Variants in PIP5K1C observed in about 807,000 individuals in gnomAD.
PIP5K1C encodes phosphatidylinositol-4-phosphate 5-kinase type 1 gamma.
In PIP5K1C, 45 loss-of-function variants were observed where a neutral mutation model predicts 80.1. The ratio of observed to expected loss-of-function variants is 0.56; its 90% CI spans 0.44 to 0.72. The LOEUF (loss-of-function observed/expected upper bound fraction) is 0.72, where lower values mean the gene tolerates loss of function less well. PIP5K1C is among the 30% of genes least tolerant of loss of function. PIP5K1C has a pLI of 0.00. For synonymous variants in PIP5K1C, 498 were observed against 420.1 expected (o/e 1.19, Z -2.27); for missense variants, 753 against 954.6 (o/e 0.79, Z 2.78).
At chr19:3,671,473 C>T (rs2035202521) in intron 1 of PIP5K1C, among the ~76,000 whole-genome samples, 2 of 152,324 alleles carry the variant, frequency 1.3e-5, no homozygotes, top group South Asian at 2.1e-4. Flanking sequence ...AGCTGGCTAA[C>T]GGGGAGAGGA....
intron 16 of PIP5K1C, chr19:3,636,915 G>C (rs2033710748): frequency 9.9e-7 from 1 of 1,006,004 alleles, no homozygotes; most frequent in Non-Finnish European, 1.2e-6. Flanking sequence ...TCACAGCTAC[G>C]TGGGGCCCAT....
At position 3,652,020 on chromosome 19, in the gene PIP5K1C, A is replaced by G. The variant is rs2034470380; in HGVS notation, c.933T>C (p.Ser311=). The G allele has an allele frequency of 4.3e-6, 7 of 1,612,766 alleles. No homozygotes were observed. The highest frequency in any genetic ancestry group is 5.9e-6 in the Non-Finnish European group (7 of 1,179,924). Reference sequence around the variant, plus strand: ...GCAGGCTGTAGTCCATGATCTTGAAACTTTCCAGGACCTGGCGGGATCGGG... The same window carrying G: ...GCAGGCTGTAGTCCATGATCTTGAAGCTTTCCAGGACCTGGCGGGATCGGG... ...TLQRDCLVLE[S]FKIMDYSLLL... The change falls in exon 8 of 18, where the codon AGT becomes AGC. Residue 311 remains serine (S), a synonymous_variant. Coordinates refer to ENST00000335312, the MANE Select transcript of PIP5K1C (RefSeq NM_012398.3).
chr19:3,687,299 T>C (rs1434223840), intron 1 of PIP5K1C, among the ~76,000 whole-genome samples: 1 of 151,898 alleles, frequency 6.6e-6, no homozygotes, highest in Non-Finnish European at 1.5e-5. Context: ...GAGGCGGAGG[T>C]TGCAGTGAGC....
intron 1 of PIP5K1C, among the ~76,000 whole-genome samples, chr19:3,683,003 G>A (rs1204464067): frequency 2.3e-5 from 3 of 132,232 alleles, no homozygotes; most frequent in Non-Finnish European, 3.2e-5. Flanking sequence ...CCCACACCAG[G>A]CTTGGTCCTG....
At chr19:3,686,308 T>A (rs947425055) in intron 1 of PIP5K1C, among the ~76,000 whole-genome samples, 1 of 151,798 alleles carries the variant, frequency 6.6e-6, no homozygotes, top group Non-Finnish European at 1.5e-5. Flanking sequence ...TAGTCCCAGC[T>A]ACTCAGGAGG....
At chr19:3,689,270 G>C (rs2035871475) in intron 1 of PIP5K1C, among the ~76,000 whole-genome samples, 1 of 152,178 alleles carries the variant, frequency 6.6e-6, no homozygotes, top group African/African-American at 2.4e-5. Flanking sequence ...ATCATGCCCA[G>C]AGGCTCACAG....
intron 16 of PIP5K1C, among the ~76,000 whole-genome samples, chr19:3,634,881 T>C (rs925219520): frequency 2.0e-5 from 3 of 152,228 alleles, no homozygotes; most frequent in African/African-American, 7.2e-5. Context: ...CGAGGCCGCA[T>C]CGCGGAGGAC....
At chr19:3,680,512 C>G (rs2035557998) in intron 1 of PIP5K1C, among the ~76,000 whole-genome samples, 1 of 152,206 alleles carries the variant, frequency 6.6e-6, no homozygotes, top group Non-Finnish European at 1.5e-5. Context: ...CCATGTTGGC[C>G]AGGCTGGTCT....
At chr19:3,698,308 C>T (rs748992384) in intron 1 of PIP5K1C, among the ~76,000 whole-genome samples, 3 of 152,252 alleles carry the variant, frequency 2.0e-5, no homozygotes, top group Non-Finnish European at 2.9e-5. Flanking sequence ...ACTTCACAGA[C>T]GGGACGCTGA....
chr19:3,651,002 T>C (rs1297491458), intron 8 of PIP5K1C, among the ~76,000 whole-genome samples: 1 of 150,352 alleles, frequency 6.7e-6, no homozygotes, highest in Non-Finnish European at 1.5e-5. Flanking sequence ...ATGATCCACC[T>C]GCCTCAGCCT....
At chr19:3,634,828 GT>G (rs1353640814) in intron 16 of PIP5K1C, among the ~76,000 whole-genome samples, 1 of 152,234 alleles carries the variant, frequency 6.6e-6, no homozygotes, top group East Asian at 1.9e-4. Flanking sequence ...CAAGACCCCT[GT>G]TCCCGGGCCC....
intron 3 of PIP5K1C, among the ~76,000 whole-genome samples, chr19:3,663,322 GGTCGGGA>G (rs1457592917): frequency 6.6e-6 from 1 of 152,344 alleles, no homozygotes; most frequent in South Asian, 2.1e-4. Flanking sequence ...CAGGGAGGGA[GGTCGGGA>G]GTTGGGAGTT....
At chr19:3,695,431 C>A (rs2036072844) in intron 1 of PIP5K1C, among the ~76,000 whole-genome samples, 1 of 152,226 alleles carries the variant, frequency 6.6e-6, no homozygotes, top group South Asian at 2.1e-4. Context: ...AAGGGCTTTA[C>A]CCCATGATTC....
Position 3,656,406 on chromosome 19 carries a change from A to G in PIP5K1C, c.620T>C (p.Met207Thr). Residue 207 changes from methionine to threonine, a missense_variant and splice_region_variant, in exon 6 of 18, where the codon ATG becomes ACG. Around this residue, in one of 6 missense-constraint regions of PIP5K1C, gnomAD observed 139 missense variants for 289.7 expected, o/e 0.48. Transcript: ENST00000335312. ...FLQKLLPGYYMNLNQNPRTLL... is the reference protein window; with the variant it reads ...FLQKLLPGYYTNLNQNPRTLL... ...TGCCCCGCAGGGCGGGCCACGCACC[A>G]TGTAGTAGCCAGGGAGCAGCTTCTG... 1 of 1,613,278 alleles carries G rather than the reference A, an allele frequency of 6.2e-7. No individual in the cohort carries two copies.
chr19:3,644,118 C>T lies in PIP5K1C; in HGVS notation c.1479G>A (p.Gly493=), dbSNP rs112586767. 1,375 of 1,611,572 alleles carry T rather than the reference C, an allele frequency of 8.5e-4. 10 individuals are homozygous for T. The African/African-American group carries it at 0.017, about 19-fold the overall frequency. Residue 493 remains glycine, a synonymous_variant, in exon 12 of 18, where the codon GGG becomes GGA. Transcript: ENST00000335312. ...CCTCCAGCGTGGGGTAGCTGCGGGC[C>T]CCCCGCAGGTCGTACTGGGCCTCCT... ...EREEAQYDLR[G]ARSYPTLEDE... is the part of the protein sequence containing the mutation.
intron 8 of PIP5K1C, among the ~76,000 whole-genome samples, chr19:3,651,473 C>CT (rs1237660022): frequency 6.6e-6 from 1 of 152,258 alleles, no homozygotes; most frequent in Non-Finnish European, 1.5e-5. Context: ...CCTTCCACAC[C>CT]TTTGTGGCCC....
chr19:3,693,775 A>G (rs2036017715), intron 1 of PIP5K1C, among the ~76,000 whole-genome samples: 1 of 152,122 alleles, frequency 6.6e-6, no homozygotes, highest in African/African-American at 2.4e-5. Context: ...TCCAAAAGGG[A>G]AAGAAGGGGC....
chr19:3,676,766 A>G (rs991476928), intron 1 of PIP5K1C, among the ~76,000 whole-genome samples: 1 of 152,148 alleles, frequency 6.6e-6, no homozygotes, highest in African/African-American at 2.4e-5. Context: ...GTCCCCCCAA[A>G]ATACTACCAA....
In PIP5K1C at chr19:3,637,203, G is replaced by C; in HGVS notation, c.1920+1681C>G. On this transcript the variant is annotated intron_variant, in intron 16 of 17. Coordinates refer to ENST00000335312, the MANE Select transcript of PIP5K1C (RefSeq NM_012398.3). This position sits in a 1 kb window ranked among gnomAD's most constrained non-coding sequence, Gnocchi z 7.0. ...GCGTCCACCCAAGACACCCTGACACGAGAGGGCTGGGTCCAGGGGCAGAGA... is the reference window on the plus strand; with the variant it reads ...GCGTCCACCCAAGACACCCTGACACCAGAGGGCTGGGTCCAGGGGCAGAGA... The C allele has an allele frequency of 7.0e-7, 1 of 1,433,156 alleles. No homozygotes were observed. The highest frequency in any genetic ancestry group is 9.1e-7 in the Non-Finnish European group (1 of 1,098,594). The allele number at this position is 1,433,156 out of a possible 1,614,324, so 88.8% of individuals were successfully genotyped here. A position where few individuals can be genotyped will look rare whatever the true frequency, so the allele number is the denominator to read the frequency against.
Sources: gnomAD v4.1 joint callset for allele counts (sites outside exome capture counted in the v4.1 genomes callset) on GRCh38, gnomAD v4.1.1 for gene constraint, gnomAD v4.1.1 regional missense constraint, Gnocchi (gnomAD v3.1) non-coding constraint, MANE v1.5 for transcripts, NCBI Gene and HGNC (gene_info 2026-07-23, HGNC 2026-07-21) for gene names.